TJP2: variants seen among roughly 807,000 people sequenced by gnomAD.
The protein encoded by TJP2 is Friedreich ataxia region gene X104 (tight junction protein ZO-2).
Under a neutral mutation model 133.1 loss-of-function variants are expected in TJP2, and 91 were observed. That is an observed-to-expected ratio of 0.68 (90% confidence interval 0.58 to 0.81). The LOEUF (loss-of-function observed/expected upper bound fraction) is 0.81. TJP2 is among the 40% of genes least tolerant of loss of function. TJP2 has a pLI of 0.00. For synonymous variants in TJP2, 592 were observed against 583.4 expected, an observed-to-expected ratio of 1.01 and a Z score of -0.21; for missense variants, 1,541 against 1,565.6, an observed-to-expected ratio of 0.98 and a Z score of 0.26.
At chr9:69,157,319 G>A (rs1823820835) in intron 2 of TJP2, among the ~76,000 whole-genome samples, 1 of 152,156 alleles carries the variant, frequency 6.6e-6, no homozygotes, top group Non-Finnish European at 1.5e-5. Context: ...CCATGAGGTG[G>A]AGGTCCAACT....
intron 1 of TJP2, among the ~76,000 whole-genome samples, chr9:69,135,732 A>G (rs1822704794): frequency 6.6e-6 from 1 of 152,092 alleles, no homozygotes; most frequent in Non-Finnish European, 1.5e-5. Context: ...CAGCCTCCCA[A>G]GTAGCTGGGA....
chr9:69,125,303 ATT>A (rs759954506), intron 1 of TJP2, among the ~76,000 whole-genome samples: 4,965 of 43,746 alleles, frequency 0.11, 1,513 homozygotes, highest in East Asian at 0.55. Flanking sequence ...ACCCTGAGTG[ATT>A]TTTTTTTTTT....
intron 19 of TJP2, 100 bp downstream of exon 19, chr9:69,248,324 T>C: frequency 4.1e-6 from 6 of 1,481,312 alleles, no homozygotes; most frequent in Non-Finnish European, 5.4e-6. Context: ...AAGGCATTCC[T>C]AAGGGTTGGA....
chr9:69,207,625 G>A (rs760907126), intron 1 of TJP2, among the ~76,000 whole-genome samples: 17 of 152,158 alleles, frequency 1.1e-4, no homozygotes, highest in Non-Finnish European at 2.1e-4. Flanking sequence ...TGATATATGC[G>A]TGCTCTTTCT....
chr9:69,160,965 G>T (rs555989715), intron 2 of TJP2, among the ~76,000 whole-genome samples: 1 of 152,132 alleles, frequency 6.6e-6, no homozygotes, highest in Non-Finnish European at 1.5e-5. Flanking sequence ...TTTGGGTGGG[G>T]ACACAGCCAA....
intron 1 of TJP2, among the ~76,000 whole-genome samples, chr9:69,135,866 G>A (rs1822709546): frequency 2.6e-5 from 4 of 152,188 alleles, no homozygotes; most frequent in South Asian, 4.2e-4. Flanking sequence ...TCAGCCTCCC[G>A]AAGTGCTGAG....
chr9:69,237,190 C>T, intron 14 of TJP2, 54 bp downstream of exon 14: 2 of 1,601,506 alleles, frequency 1.2e-6, no homozygotes, highest in Non-Finnish European at 1.7e-6. Flanking sequence ...TGAGCCTGTT[C>T]ACCTTTATTT....
intron 7 of TJP2, 148 bp from the exon 8 acceptor site, chr9:69,227,617 A>G: frequency 1.6e-6 from 1 of 607,342 alleles, no homozygotes; most frequent in East Asian, 2.8e-5. Context: ...GTTTTTCTCC[A>G]GGGGAGGACT....
chr9:69,177,651 G>A (rs536098395), intron 1 of TJP2, among the ~76,000 whole-genome samples: 1 of 149,022 alleles, frequency 6.7e-6, no homozygotes, highest in Non-Finnish European at 1.5e-5. Context: ...TGTTTTTTTG[G>A]TTTTTTTTTT....
At position 69,254,726 on chromosome 9, in the gene TJP2, T is replaced by A. The variant is rs572401236; in HGVS notation, c.*352T>A. 9.0e-6 allele frequency: 5 copies of A among 557,044 alleles called. No homozygotes were observed. The highest frequency in any genetic ancestry group is 1.6e-5 in the Non-Finnish European group (5 of 315,176). The allele number at this position is 557,044 out of a possible 1,614,324, so 34.5% of individuals were successfully genotyped here. A position where few individuals can be genotyped will look rare whatever the true frequency, so the allele number is the denominator to read the frequency against. On this transcript the variant is annotated 3_prime_UTR_variant, in exon 23 of 23. Coordinates refer to ENST00000377245, the MANE Select transcript of TJP2 (RefSeq NM_004817.4). ...CTATTTTTCCTCATTAATAGCTGCC[T>A]TCAAGGACTGTTTCAGTGTGAGTCA...
chr9:69,196,622 T>C (rs1826578988), intron 1 of TJP2, among the ~76,000 whole-genome samples: 1 of 152,122 alleles, frequency 6.6e-6, no homozygotes, highest in African/African-American at 2.4e-5. Context: ...AACAGCTTTA[T>C]TGAGATATAA....
chr9:69,213,976 G>A (rs1321058392), intron 2 of TJP2, among the ~76,000 whole-genome samples: 2 of 152,010 alleles, frequency 1.3e-5, no homozygotes, highest in African/African-American at 4.8e-5. Flanking sequence ...AACTTTCCTT[G>A]GAAAGGAAGA....
chr9:69,232,235 G>A (rs1829841000), intron 11 of TJP2, among the ~76,000 whole-genome samples: 1 of 152,202 alleles, frequency 6.6e-6, no homozygotes, highest in African/African-American at 2.4e-5. Flanking sequence ...CTCATTTCTT[G>A]GGTGCGAATA....
intron 1 of TJP2, 61 bp downstream of exon 1, chr9:69,174,493 C>T: frequency 9.4e-7 from 1 of 1,067,254 alleles, no homozygotes; most frequent in Non-Finnish European, 1.3e-6. Flanking sequence ...CGTGGGAGCG[C>T]TGGGGGCTCT....
intron 1 of TJP2, among the ~76,000 whole-genome samples, chr9:69,147,650 A>C (rs550422872): frequency 2.6e-5 from 4 of 152,294 alleles, no homozygotes; most frequent in Admixed American, 2.0e-4. Flanking sequence ...TTTTGTTCAG[A>C]GATAACCTCT....
intron 14 of TJP2, among the ~76,000 whole-genome samples, chr9:69,237,505 A>C (rs897306069): frequency 6.6e-6 from 1 of 152,186 alleles, no homozygotes; most frequent in African/African-American, 2.4e-5. Context: ...ATCTCTGCAA[A>C]AAATAAAAAA....
chr9:69,173,920 C>A (rs916199647), upstream of TJP2: 3 of 982,394 alleles, frequency 3.1e-6, no homozygotes, highest in Non-Finnish European at 3.6e-6. Context: ...CCTGCTTGCT[C>A]CAGTGCACGC....
At chr9:69,134,302 G>C (rs1433684496) in intron 1 of TJP2, among the ~76,000 whole-genome samples, 1 of 152,224 alleles carries the variant, frequency 6.6e-6, no homozygotes, top group African/African-American at 2.4e-5. Flanking sequence ...ACAGTCTGGA[G>C]GAGGCAGATG....
intron 7 of TJP2, 108 bp from the exon 8 acceptor site, chr9:69,227,657 C>A: frequency 1.3e-6 from 1 of 772,502 alleles, no homozygotes; most frequent in Admixed American, 2.5e-5. Context: ...TCCTGCCTAC[C>A]TCGTTTCCAT....
Sources: gnomAD v4.1 joint callset for allele counts (sites outside exome capture counted in the v4.1 genomes callset) on GRCh38, gnomAD v4.1.1 for gene constraint, MANE v1.5 for transcripts, NCBI Gene and HGNC (gene_info 2026-07-23, HGNC 2026-07-21) for gene names.